CYP4Z1: variants seen among roughly 807,000 people sequenced by gnomAD.
CYP4Z1 encodes cytochrome P450 4Z1.
In CYP4Z1, 41 loss-of-function variants were observed where a neutral mutation model predicts 54.2. The observed-to-expected ratio is 0.76, with a 90% CI of 0.59 to 0.98. The LOEUF (loss-of-function observed/expected upper bound fraction) is 0.98. Among genes scored for constraint, CYP4Z1 ranks in the 50% least tolerant of loss-of-function variants. The pLI, the probability that CYP4Z1 is intolerant of heterozygous loss-of-function variation, is 0.00. For missense variants in CYP4Z1, 513 were observed against 599.0 expected (o/e 0.86, Z 1.50); for synonymous variants, 163 against 206.2 (o/e 0.79, Z 1.79).
intron 4 of CYP4Z1, among the ~76,000 whole-genome samples, chr1:47,084,029 A>G (rs987503547): frequency 2.0e-5 from 3 of 152,174 alleles, no homozygotes; most frequent in African/African-American, 7.2e-5. Context: ...TCGTCTCAAT[A>G]AACATTTGGC....
At chr1:47,095,060 T>G (rs1329993124) in intron 7 of CYP4Z1, among the ~76,000 whole-genome samples, 1 of 149,790 alleles carries the variant, frequency 6.7e-6, no homozygotes, top group Non-Finnish European at 1.5e-5. Context: ...CTTGTGAAGA[T>G]TTTCCTGCTT....
chr1:47,085,360 A>G (rs910305637), intron 6 of CYP4Z1, among the ~76,000 whole-genome samples: 2 of 152,152 alleles, frequency 1.3e-5, no homozygotes, highest in Non-Finnish European at 2.9e-5. Context: ...TACTATGCAC[A>G]GTTCATCAAA....
intron 6 of CYP4Z1, among the ~76,000 whole-genome samples, chr1:47,086,692 G>A (rs1322473008): frequency 1.3e-5 from 2 of 152,118 alleles, no homozygotes; most frequent in African/African-American, 4.8e-5. Context: ...AAGCTCTTTA[G>A]TTTAATAAGA....
At position 47,115,402 on chromosome 1, in the gene CYP4Z1, A is replaced by T. The variant is rs59593605; in HGVS notation, c.1202-127A>T. The T allele has an allele frequency of 3.8e-4, 303 of 794,560 alleles. 4 individuals carry two copies. In the East Asian group the frequency reaches 8.3e-3, roughly 22 times the overall value. The allele number at this position is 794,560 out of a possible 1,614,324, so 49.2% of individuals were successfully genotyped here. A position where few individuals can be genotyped will look rare whatever the true frequency, so the allele number is the denominator to read the frequency against. ...CATGGCACATGTATACATATGTAAC[A>T]AACCTTCATGTTGTGCATATGTACC... On this transcript the variant is annotated intron_variant, in intron 9 of 11. Coordinates refer to ENST00000334194, the MANE Select transcript of CYP4Z1 (RefSeq NM_178134.3).
chr1:47,103,677 C>A (rs999917153), intron 8 of CYP4Z1, among the ~76,000 whole-genome samples: 3 of 141,866 alleles, frequency 2.1e-5, no homozygotes, highest in African/African-American at 7.8e-5. Context: ...TCACTGCATT[C>A]TCCACCTCCC....
chr1:47,087,102 T>C (rs1005498286), intron 6 of CYP4Z1, among the ~76,000 whole-genome samples: 1 of 152,200 alleles, frequency 6.6e-6, no homozygotes, highest in Non-Finnish European at 1.5e-5. Context: ...TGTAGCCTTG[T>C]AGTATAGTTT....
At chr1:47,064,366 C>A (rs1017074677), upstream of CYP4Z1, among the ~76,000 whole-genome samples, 2 of 152,040 alleles carry the variant, frequency 1.3e-5, no homozygotes, top group Non-Finnish European at 2.9e-5. Context: ...ACAGACGGAG[C>A]CACAGTGCCC....
intron 8 of CYP4Z1, among the ~76,000 whole-genome samples, chr1:47,102,481 C>A (rs2148538054): frequency 6.6e-6 from 1 of 152,230 alleles, no homozygotes; most frequent in African/African-American, 2.4e-5. Flanking sequence ...TCTGTTACTT[C>A]TGGGTATAGG....
chr1:47,099,848 A>G (rs1291816109), intron 8 of CYP4Z1, among the ~76,000 whole-genome samples: 1 of 152,250 alleles, frequency 6.6e-6, no homozygotes, highest in Non-Finnish European at 1.5e-5. Flanking sequence ...AACACATTCA[A>G]AAAGTACAGG....
At chr1:47,098,031 G>A (rs1438256432) in intron 7 of CYP4Z1, among the ~76,000 whole-genome samples, 2 of 151,980 alleles carry the variant, frequency 1.3e-5, no homozygotes, top group Non-Finnish European at 2.9e-5. Context: ...TGGCCAGGCT[G>A]GTCTTGAACC....
At chr1:47,065,065 C>T (rs2148522914), upstream of CYP4Z1, among the ~76,000 whole-genome samples, 1 of 152,104 alleles carries the variant, frequency 6.6e-6, no homozygotes, top group South Asian at 2.1e-4. Flanking sequence ...ATGCGATAAA[C>T]AACAACACAA....
intron 9 of CYP4Z1, among the ~76,000 whole-genome samples, chr1:47,109,373 C>T (rs1644777541): frequency 6.6e-6 from 1 of 152,066 alleles, no homozygotes; most frequent in Admixed American, 6.6e-5. Context: ...ACTTTTTAAT[C>T]CCATAGAAAA....
chr1:47,068,821 C>A (rs1644471604), intron 2 of CYP4Z1, 58 bp downstream of exon 2: 6 of 1,579,162 alleles, frequency 3.8e-6, no homozygotes, highest in Non-Finnish European at 5.2e-6. Flanking sequence ...CTCAGGGTGT[C>A]TGTGGCACTA....
intron 2 of CYP4Z1, among the ~76,000 whole-genome samples, chr1:47,072,897 C>T (rs1644492568): frequency 6.6e-6 from 1 of 151,972 alleles, no homozygotes; most frequent in South Asian, 2.1e-4. Context: ...TGCTCTTCCT[C>T]ACCCCTAGAA....
intron 6 of CYP4Z1, among the ~76,000 whole-genome samples, chr1:47,088,602 AT>A (rs879920411): frequency 0.011 from 1,551 of 141,460 alleles, 12 homozygotes; most frequent in African/African-American, 0.015. Context: ...TGATTCTCCA[AT>A]TTTTTTTTGT....
At chr1:47,114,954 C>A (rs1182812164) in intron 9 of CYP4Z1, among the ~76,000 whole-genome samples, 1 of 152,034 alleles carries the variant, frequency 6.6e-6, no homozygotes, top group Admixed American at 6.6e-5. Context: ...AGGTATATAC[C>A]CAAAGGATTA....
chr1:47,112,656 A>G (rs1262556704), intron 9 of CYP4Z1, among the ~76,000 whole-genome samples: 1 of 152,140 alleles, frequency 6.6e-6, no homozygotes, highest in Non-Finnish European at 1.5e-5. Flanking sequence ...CAGGTGGCTC[A>G]TGCCTGTAAT....
chr1:47,096,089 A>G (rs1644674648), intron 7 of CYP4Z1, among the ~76,000 whole-genome samples: 1 of 152,174 alleles, frequency 6.6e-6, no homozygotes, highest in African/African-American at 2.4e-5. Flanking sequence ...TGGAAGTGAA[A>G]TAGAATTCCC....
intron 8 of CYP4Z1, among the ~76,000 whole-genome samples, chr1:47,102,413 TGTTA>T (rs1469956622): frequency 6.6e-6 from 1 of 152,216 alleles, no homozygotes; most frequent in East Asian, 1.9e-4. Context: ...CTTGTTTGTG[TGTTA>T]GTTCTACCAG....
Sources: gnomAD v4.1 joint callset for allele counts (sites outside exome capture counted in the v4.1 genomes callset) on GRCh38, gnomAD v4.1.1 for gene constraint, MANE v1.5 for transcripts, NCBI Gene and HGNC (gene_info 2026-07-23, HGNC 2026-07-21) for gene names.